The following ZNF616 variants were observed in gnomAD, a reference collection of about 807,000 sequenced individuals.
ZNF616 encodes zinc finger protein 616.
A neutral mutation model predicts 7.6 loss-of-function variants in ZNF616; 5 were observed. The ratio of observed to expected loss-of-function variants is 0.66; its 90% CI spans 0.34 to 1.38. ZNF616 has a LOEUF of 1.38. Among genes scored for constraint, ZNF616 ranks in the 40% most tolerant of loss-of-function variants. The pLI, the probability that ZNF616 is intolerant of heterozygous loss-of-function variation, is 0.04. For synonymous variants in ZNF616, 319 were observed against 317.2 expected (o/e 1.01, Z -0.06); for missense variants, 913 against 948.3 (o/e 0.96, Z 0.49).
chr19:52,137,215 GAGACC>G (rs993384812), intron 1 of ZNF616, among the ~76,000 whole-genome samples: 216 of 151,728 alleles, frequency 1.4e-3, no homozygotes, highest in African/African-American at 5.0e-3. Flanking sequence ...TCAGGAGATT[GAGACC>G]ATCCTGGCTA....
At chr19:52,137,331 G>A (rs1302519683) in intron 1 of ZNF616, among the ~76,000 whole-genome samples, 2 of 151,988 alleles carry the variant, frequency 1.3e-5, no homozygotes, top group African/African-American at 2.4e-5. Flanking sequence ...GCTGAGGCAG[G>A]AGAATGGTGT....
intron 2 of ZNF616, among the ~76,000 whole-genome samples, chr19:52,127,157 G>T (rs182378323): frequency 1.1e-3 from 160 of 152,118 alleles, no homozygotes; most frequent in African/African-American, 3.7e-3. Context: ...CAAGTTCAAG[G>T]GATTCTCCTG....
intron 1 of ZNF616, among the ~76,000 whole-genome samples, chr19:52,132,981 A>T (rs892216606): frequency 2.2e-4 from 34 of 152,300 alleles, no homozygotes; most frequent in African/African-American, 7.9e-4. Flanking sequence ...ATGGTCAGGG[A>T]GGTGACAAGA....
In ZNF616 at chr19:52,115,690, G is replaced by C. The variant is rs878961047; in HGVS notation, c.1474C>G (p.Pro492Ala). 3 of 1,613,838 alleles carry C rather than the reference G, an allele frequency of 1.9e-6. No homozygotes were observed. Among genetic ancestry groups the C allele is most frequent in the Non-Finnish European group, 1.7e-6 (2 of 1,179,932 alleles). Residue 492 changes from proline (P) to alanine (A), a missense_variant, in exon 4 of 4, where the codon CCT (proline) becomes GCT (alanine). Transcript: ENST00000600228. ...TTGCCACATTCATTGCATTTGTAAGGTTTCTCTCCAGTATGAATTCTCTGA... is the reference window on the plus strand; with the variant it reads ...TTGCCACATTCATTGCATTTGTAAGCTTTCTCTCCAGTATGAATTCTCTGA... ...AHQRIHTGEK[P>A]YKCNECGKVF...
chr19:52,131,178 G>A (rs893272720), intron 1 of ZNF616, among the ~76,000 whole-genome samples: 1 of 141,410 alleles, frequency 7.1e-6, no homozygotes, highest in African/African-American at 2.7e-5. Flanking sequence ...TGAGGCAGGA[G>A]AATCACTTGA....
rs1478668351 is a variant in ZNF616 at position 52,115,951 on chromosome 19, C to A, written c.1213G>T (p.Val405Leu). Residue 405 changes from valine to leucine, a missense_variant, in exon 4 of 4, where the codon GTA (valine) becomes TTA (leucine). Physicochemically the swap from Val to Leu is conservative, Grantham distance 32. Transcript: ENST00000600228. Reference protein sequence around the residue: ...SLAVHRRIHTVEKPCKCNECG... With the variant: ...SLAVHRRIHTLEKPCKCNECG... ...TCATTGCATTTGCAAGGTTTCTCTA[C>A]AGTGTGAATTCGTCGATGCACTGCA... The A allele has an allele frequency of 6.2e-6, 10 of 1,614,174 alleles. No individual in the cohort carries two copies. Among genetic ancestry groups the A allele is most frequent in the Non-Finnish European group, 8.5e-6 (10 of 1,180,036 alleles).
intron 1 of ZNF616, among the ~76,000 whole-genome samples, chr19:52,134,098 C>T (rs946073183): frequency 3.3e-5 from 5 of 152,088 alleles, no homozygotes; most frequent in African/African-American, 4.8e-5. Context: ...ACGAGCCTCC[C>T]GCACTACCAG....
chr19:52,120,911 A>G (rs749681434), intron 3 of ZNF616, among the ~76,000 whole-genome samples: 3 of 152,190 alleles, frequency 2.0e-5, no homozygotes, highest in Non-Finnish European at 2.9e-5. Context: ...GAAAAAAAGT[A>G]AGTAAATAGG....
intron 1 of ZNF616, among the ~76,000 whole-genome samples, chr19:52,135,481 C>T (rs766702875): frequency 5.3e-5 from 8 of 152,104 alleles, no homozygotes; most frequent in Non-Finnish European, 8.8e-5. Context: ...CTTAACTTGC[C>T]GCCCAAAATA....
In ZNF616 at chr19:52,115,795, T is replaced by G. The variant is rs561764495; in HGVS notation, c.1369A>C (p.Arg457=). Residue 457 remains arginine, a synonymous_variant, in exon 4 of 4, where the codon AGA becomes CGA. Coordinates refer to ENST00000600228, the MANE Select transcript of ZNF616 (RefSeq NM_178523.5). ...TAAGCTTTCTCGCCGGTATGAATTC[T>G]CCAATGCACTGCAAGATGTGAATGC... ...SKHSHLAVHW[R]IHTGEKAYKC... is the part of the protein sequence containing the mutation. The G allele has an allele frequency of 1.9e-6, 3 of 1,609,270 alleles. No homozygotes were observed. The highest frequency in any genetic ancestry group is 2.2e-5 in the South Asian group (2 of 89,938).
In ZNF616 at chr19:52,115,781, G is replaced by A. The variant is rs139023956; in HGVS notation, c.1383C>T (p.Gly461=). The change falls in exon 4 of 4, where the codon GGC becomes GGT. Residue 461 remains glycine, a synonymous_variant. Coordinates refer to ENST00000600228, the MANE Select transcript of ZNF616 (RefSeq NM_178523.5). ...ATTCATTGCATTTATAAGCTTTCTC[G>A]CCGGTATGAATTCTCCAATGCACTG... The part of the protein sequence containing the change: ...HLAVHWRIHT[G]EKAYKCNECG... The A allele has an allele frequency of 3.2e-5, 51 of 1,606,188 alleles. No individual in the cohort carries two copies. Among genetic ancestry groups the A allele is most frequent in the South Asian group, 2.9e-4 (26 of 89,662 alleles).
In ZNF616 at chr19:52,117,490, A is replaced by C. The variant is rs542805600; in HGVS notation, c.140-466T>G. 1.4e-4 allele frequency among the ~76,000 whole-genome samples: 22 copies of C among 152,328 alleles called. No individual in the cohort carries two copies. The South Asian group carries it at 4.6e-3, about 32-fold the overall frequency. ...ATAAACTAATTAATAATCATCATAT[A>C]AATTAATAAATAAAACACTCTATTA... On this transcript the variant is annotated intron_variant, in intron 3 of 3. Transcript: ENST00000600228.
At chr19:52,132,114 A>G (rs918908259) in intron 1 of ZNF616, among the ~76,000 whole-genome samples, 4 of 152,172 alleles carry the variant, frequency 2.6e-5, no homozygotes, top group African/African-American at 9.7e-5. Context: ...TTTTAGGTAA[A>G]TGTAACTTTT....
Position 52,116,403 on chromosome 19 carries a change from G to A in ZNF616, c.761C>T (p.Ser254Leu), listed in dbSNP as rs1412398209. 1.9e-6 allele frequency: 3 copies of A among 1,613,928 alleles called. No homozygotes were observed. The highest frequency in any genetic ancestry group is 2.5e-6 in the Non-Finnish European group (3 of 1,180,012). The change falls in exon 4 of 4, where the codon TCA becomes TTA. Residue 254 changes from serine to leucine, a missense_variant. By Grantham distance (145) the Ser-to-Leu change is moderately radical. Transcript: ENST00000600228. ...ACTCCTTTGGTGTCTTACAAAATAT[G>A]AATTTTTTCTGAAGATCTTGCCACA... ...DVCGKIFRKN[S>L]YFVRHQRSHT...
chr19:52,129,529 A>G (rs2088939365), intron 2 of ZNF616, among the ~76,000 whole-genome samples: 1 of 152,060 alleles, frequency 6.6e-6, no homozygotes, highest in African/African-American at 2.4e-5. Context: ...ACTTAAAACA[A>G]CTGCTGGTAA....
At chr19:52,125,896 T>C (rs980019609) in intron 2 of ZNF616, among the ~76,000 whole-genome samples, 33 of 152,184 alleles carry the variant, frequency 2.2e-4, no homozygotes, top group African/African-American at 8.0e-4. Flanking sequence ...ACCACAGATA[T>C]CTGCAGTACC....
intron 1 of ZNF616, among the ~76,000 whole-genome samples, chr19:52,136,052 C>T (rs1037555493): frequency 2.0e-5 from 3 of 148,596 alleles, no homozygotes; most frequent in African/African-American, 7.5e-5. Context: ...CTCGCTAGAA[C>T]CCAGGAGGCA....
chr19:52,136,103 C>A (rs28889877), intron 1 of ZNF616, among the ~76,000 whole-genome samples: 1 of 124,386 alleles, frequency 8.0e-6, no homozygotes, highest in Non-Finnish European at 1.6e-5. Context: ...GCACTCCAGT[C>A]TAGGCAGCAG....
chr19:52,116,977 T>A lies in ZNF616; in HGVS notation c.187A>T (p.Ser63Cys). Residue 63 changes from serine (S) to cysteine (C), a missense_variant, in exon 4 of 4, where the codon AGT becomes TGT. Physicochemically the swap from Ser to Cys is moderately radical, Grantham distance 112 (BLOSUM62 -1). Coordinates refer to ENST00000600228, the MANE Select transcript of ZNF616 (RefSeq NM_178523.5). ...VIKELPPTEN[S>C]NTGERFQTVA... ...GTTTGGAACCTTTCTCCTGTATTAC[T>A]GTTCTCTGTTGGTGGTAATTCCTTG... 1.2e-6 allele frequency: 2 copies of A among 1,604,726 alleles called. No individual in the cohort carries two copies. The highest frequency in any genetic ancestry group is 1.7e-6 in the Non-Finnish European group (2 of 1,177,278).
Sources: gnomAD v4.1 joint callset for allele counts (sites outside exome capture counted in the v4.1 genomes callset) on GRCh38, gnomAD v4.1.1 for gene constraint, MANE v1.5 for transcripts, NCBI Gene and HGNC (gene_info 2026-07-23, HGNC 2026-07-21) for gene names.